ZNF280D: variants seen among roughly 807,000 people sequenced by gnomAD.
ZNF280D encodes the protein suppressor of hairy wing homolog 4.
A neutral mutation model predicts 94.7 loss-of-function variants in ZNF280D; 39 were observed. The ratio of observed to expected loss-of-function variants is 0.41; its 90% CI spans 0.32 to 0.54. ZNF280D has a LOEUF of 0.54. Among genes scored for constraint, ZNF280D ranks in the 20% least tolerant of loss-of-function variants. The pLI, the probability that ZNF280D is intolerant of heterozygous loss-of-function variation, is 0.22. For synonymous variants in ZNF280D, 398 were observed against 377.6 expected (o/e 1.05, Z -0.63); for missense variants, 1,090 against 1,149.3 (o/e 0.95, Z 0.75).
At chr15:56,681,684 T>C (rs972426644) in intron 10 of ZNF280D, among the ~76,000 whole-genome samples, 5 of 152,174 alleles carry the variant, frequency 3.3e-5, no homozygotes, top group African/African-American at 1.2e-4. Context: ...AAATTTCTAA[T>C]ATTTAAAGCA....
intron 17 of ZNF280D, among the ~76,000 whole-genome samples, chr15:56,655,545 A>C (rs1289458666): frequency 6.6e-6 from 1 of 152,202 alleles, no homozygotes; most frequent in African/African-American, 2.4e-5. Flanking sequence ...AATTATTATA[A>C]ATGTTTAAAG....
At chr15:56,727,588 G>A (rs149406748) in intron 1 of ZNF280D, among the ~76,000 whole-genome samples, 5 of 152,338 alleles carry the variant, frequency 3.3e-5, no homozygotes, top group African/African-American at 7.2e-5. Flanking sequence ...ATCCTCATGC[G>A]TAAGTGGCAG....
chr15:56,700,159 C>G (rs1405291533), intron 6 of ZNF280D: 19 of 977,270 alleles, frequency 1.9e-5, no homozygotes, highest in Non-Finnish European at 2.3e-5. Context: ...TAAGGCAATT[C>G]TTTCATGTCT....
Position 56,676,689 on chromosome 15 carries a change from T to A in ZNF280D, c.1391A>T (p.His464Leu). 1.2e-6 allele frequency: 2 copies of A among 1,609,278 alleles called. No individual in the cohort carries two copies. The highest frequency in any genetic ancestry group is 1.7e-6 in the Non-Finnish European group (2 of 1,177,972). ...KVIKIATPYMHHYMKHQKKGI... is the reference protein window; with the variant it reads ...KVIKIATPYMLHYMKHQKKGI... The stretch of plus-strand genomic sequence containing the variant: ...TCTCACCTGATGCTTCATATAATGA[T>A]GCATATATGGTGTTGCAATTTTAAT... The change falls in exon 13 of 22, where the codon CAT becomes CTT. Residue 464 changes from histidine (H) to leucine (L), a missense_variant. Around this residue, in one of 3 missense-constraint regions of ZNF280D, gnomAD observed 127 missense variants for 208.6 expected, o/e 0.61. Transcript: ENST00000267807.
intron 6 of ZNF280D, among the ~76,000 whole-genome samples, chr15:56,697,319 G>C (rs751305462): frequency 1.3e-5 from 2 of 152,054 alleles, no homozygotes; most frequent in South Asian, 4.2e-4. Flanking sequence ...CAAGTAGCTG[G>C]GATTACAGGC....
In ZNF280D at chr15:56,675,834, G is replaced by A. The variant is rs150787692; in HGVS notation, c.1410+836C>T. Among the ~76,000 whole-genome samples the A allele has an allele frequency of 5.6e-3, 854 of 152,144 alleles. 4 individuals are homozygous for A. The highest frequency in any genetic ancestry group is 9.3e-3 in the Non-Finnish European group (633 of 67,972). On this transcript the variant is annotated intron_variant, in intron 13 of 21. Coordinates refer to ENST00000267807, the MANE Select transcript of ZNF280D (RefSeq NM_017661.4). ...ATAAGAGAATGTATTGAGCTTTGTAGTGAGTTGACAAAATTTGATTACATG... is the reference window on the plus strand; with the variant it reads ...ATAAGAGAATGTATTGAGCTTTGTAATGAGTTGACAAAATTTGATTACATG...
intron 7 of ZNF280D, among the ~76,000 whole-genome samples, chr15:56,692,817 C>T (rs534005): frequency 6.6e-6 from 1 of 151,886 alleles, no homozygotes; most frequent in African/African-American, 2.4e-5. Context: ...CTCTAACTCA[C>T]AGAAATTATT....
At position 56,666,826 on chromosome 15, in the gene ZNF280D, T is replaced by C; in HGVS notation, c.1706A>G (p.Lys569Arg). Residue 569 changes from lysine to arginine, a missense_variant, in exon 15 of 22, where the codon AAA (lysine) becomes AGA (arginine). By Grantham distance (26) the Lys-to-Arg change is conservative (BLOSUM62 2). Coordinates refer to ENST00000267807, the MANE Select transcript of ZNF280D (RefSeq NM_017661.4). ...KSNTSKPNTV[K>R]SNASKPNTSK... The stretch of plus-strand genomic sequence containing the variant: ...TGTATTAGGTTTACTTGCGTTGGAT[T>C]TGACTGTATTAGGTTTACTTGTATT... The C allele has an allele frequency of 6.2e-7, 1 of 1,613,846 alleles. No homozygotes were observed. Among genetic ancestry groups the C allele is most frequent in the Non-Finnish European group, 8.5e-7 (1 of 1,179,868 alleles).
At chr15:56,640,487 A>T (rs764913407) in intron 20 of ZNF280D, among the ~76,000 whole-genome samples, 2 of 152,124 alleles carry the variant, frequency 1.3e-5, no homozygotes, top group Non-Finnish European at 2.9e-5. Flanking sequence ...GAAAAATTTA[A>T]AAGTAGGAGA....
chr15:56,699,589 A>G (rs2056938741), intron 6 of ZNF280D: 31 of 846,868 alleles, frequency 3.7e-5, no homozygotes, highest in Non-Finnish European at 4.3e-5. Flanking sequence ...GTTTTGAGTC[A>G]ATATTTATTT....
intron 13 of ZNF280D, among the ~76,000 whole-genome samples, chr15:56,670,311 T>C (rs1314754802): frequency 6.6e-6 from 1 of 150,842 alleles, no homozygotes; most frequent in Non-Finnish European, 1.5e-5. Context: ...ACCCAGGCAT[T>C]CATTAGTTAT....
At chr15:56,660,323 G>T (rs2053846638) in intron 16 of ZNF280D, among the ~76,000 whole-genome samples, 1 of 152,052 alleles carries the variant, frequency 6.6e-6, no homozygotes, top group South Asian at 2.1e-4. Context: ...AAATATAAGA[G>T]GAGAGAAAAT....
chr15:56,653,505 G>A lies in ZNF280D; in HGVS notation c.2213+693C>T, dbSNP rs559275425. The A allele has an allele frequency of 6.0e-5, 91 of 1,518,224 alleles. No individual in the cohort carries two copies. The African/African-American group carries it at 1.3e-3, about 21-fold the overall frequency. 94.0% of individuals were successfully genotyped at this position (1,518,224 alleles called of 1,614,324 possible). Reference sequence around the variant, plus strand: ...ACAGTCAAATTATTCACATTCCTTGGAAAGAGAGAACAGGCATCAGTTGTG... The same window carrying A: ...ACAGTCAAATTATTCACATTCCTTGAAAAGAGAGAACAGGCATCAGTTGTG... On this transcript the variant is annotated intron_variant, in intron 19 of 21. Coordinates refer to ENST00000267807, the MANE Select transcript of ZNF280D (RefSeq NM_017661.4).
chr15:56,645,568 C>CG (rs1358232192), intron 19 of ZNF280D, among the ~76,000 whole-genome samples: 1 of 152,028 alleles, frequency 6.6e-6, no homozygotes, highest in Non-Finnish European at 1.5e-5. Flanking sequence ...TTTTTGCAGA[C>CG]GGAGTTTCGT....
chr15:56,708,027 T>G (rs1336078570), intron 1 of ZNF280D, among the ~76,000 whole-genome samples: 2 of 152,068 alleles, frequency 1.3e-5, no homozygotes, highest in Non-Finnish European at 2.9e-5. Flanking sequence ...AGCATGAATT[T>G]TACAAAATAA....
At chr15:56,697,742 T>A (rs2056837711) in intron 6 of ZNF280D, 1 of 152,128 alleles carries the variant, frequency 6.6e-6, no homozygotes, top group Non-Finnish European at 1.5e-5. Flanking sequence ...ATATTAGAAA[T>A]TAAAACAGAG....
intron 1 of ZNF280D, among the ~76,000 whole-genome samples, chr15:56,728,311 C>T (rs2058727149): frequency 6.6e-6 from 1 of 152,238 alleles, no homozygotes; most frequent in Non-Finnish European, 1.5e-5. Context: ...TAAGCCACCA[C>T]ACCCGGCCTT....
Position 56,642,936 on chromosome 15 carries a change from G to GGTTA in ZNF280D, c.2259+15_2259+16insTAAC, listed in dbSNP as rs762656879. On this transcript the variant is annotated intron_variant, in intron 20 of 21. Coordinates refer to ENST00000267807, the MANE Select transcript of ZNF280D (RefSeq NM_017661.4). ...AATGTATAAACCTTTAAGGTATAAA[G>GGTTA]TAAAACAAACTTTACCTTAGACACA... 2.7e-4 allele frequency: 399 copies of GGTTA among 1,484,782 alleles called. No homozygotes were observed. Among genetic ancestry groups the GGTTA allele is most frequent in the Non-Finnish European group, 3.4e-4 (377 of 1,121,160 alleles). 92.0% of individuals were successfully genotyped at this position (1,484,782 alleles called of 1,614,324 possible).
intron 11 of ZNF280D, among the ~76,000 whole-genome samples, 195 bp from the exon 12 acceptor site, chr15:56,677,869 A>G (rs2055340422): frequency 6.6e-6 from 1 of 152,134 alleles, no homozygotes. Context: ...TCCTATTAAC[A>G]ACCCTATAAG....
Sources: gnomAD v4.1 joint callset for allele counts (sites outside exome capture counted in the v4.1 genomes callset) on GRCh38, gnomAD v4.1.1 for gene constraint, gnomAD v4.1.1 regional missense constraint, MANE v1.5 for transcripts, NCBI Gene and HGNC (gene_info 2026-07-23, HGNC 2026-07-21) for gene names.